The following COLEC10 variants were observed in gnomAD, a reference collection of about 807,000 sequenced individuals.
COLEC10 encodes collectin subfamily member 10.
Under a neutral mutation model 28.4 loss-of-function variants are expected in COLEC10, and 22 were observed. The ratio of observed to expected loss-of-function variants is 0.78; its 90% CI spans 0.55 to 1.11. COLEC10 has a LOEUF of 1.11. Ranked by LOEUF, COLEC10 falls within the 50% of genes least tolerant of loss-of-function variation. The pLI is 0.00. For synonymous variants in COLEC10, 125 were observed against 116.1 expected (o/e 1.08, Z -0.49); for missense variants, 361 against 344.1 (o/e 1.05, Z -0.39).
chr8:118,988,544 G>A, the COLEC10 span, among the ~76,000 whole-genome samples: 1 of 152,156 alleles, frequency 6.6e-6, no homozygotes, highest in African/African-American at 2.4e-5. Flanking sequence ...AGGAGTAGGA[G>A]ACGAGAGAAA....
upstream of COLEC10, among the ~76,000 whole-genome samples, chr8:119,065,676 G>T (rs1010796905): frequency 6.6e-6 from 1 of 151,868 alleles, no homozygotes; most frequent in Non-Finnish European, 1.5e-5. Flanking sequence ...GGCCAACCTG[G>T]TGAAACCCCA....
At chr8:119,098,732 C>G (rs913354730) in intron 3 of COLEC10, among the ~76,000 whole-genome samples, 2 of 152,080 alleles carry the variant, frequency 1.3e-5, no homozygotes, top group Non-Finnish European at 2.9e-5. Flanking sequence ...ATAAGTACCA[C>G]TTTTCCTTAA....
chr8:118,994,322 A>G (rs1813556185), upstream of COLEC10, among the ~76,000 whole-genome samples: 1 of 152,192 alleles, frequency 6.6e-6, no homozygotes, highest in Non-Finnish European at 1.5e-5. Context: ...TTAAGTGGCA[A>G]AACAAATGAG....
intron 2 of COLEC10, among the ~76,000 whole-genome samples, chr8:119,024,494 C>T (rs1260986597): frequency 6.6e-6 from 1 of 151,806 alleles, no homozygotes; most frequent in Non-Finnish European, 1.5e-5. Flanking sequence ...ATTTTCAAGA[C>T]CCAGTCCTCA....
the COLEC10 span, among the ~76,000 whole-genome samples, chr8:118,971,128 G>A: frequency 6.6e-6 from 1 of 151,914 alleles, no homozygotes; most frequent in African/African-American, 2.4e-5. Context: ...TCCTCATTAT[G>A]TAGGAGTGGG....
In COLEC10 at chr8:119,107,748, G is replaced by A. The variant is rs949325952; in HGVS notation, c.*1557G>A. ...GCTTGCCCTTCCAAAGGAGCCAGCT[G>A]CTCCTCAGTGGCTGCTGCTGGTGCT... On this transcript the variant is annotated 3_prime_UTR_variant, in exon 6 of 6. Coordinates refer to ENST00000332843, the MANE Select transcript of COLEC10 (RefSeq NM_006438.5). Among the ~76,000 whole-genome samples the A allele has an allele frequency of 2.0e-5, 3 of 152,184 alleles. No individual in the cohort carries two copies. The highest frequency in any genetic ancestry group is 7.2e-5 in the African/African-American group (3 of 41,448).
chr8:118,998,683 C>CA (rs71569784), intron 1 of COLEC10, among the ~76,000 whole-genome samples: 71,207 of 139,308 alleles, frequency 0.51, 18,533 homozygotes, highest in African/African-American at 0.66. Context: ...CTGAAAAATA[C>CA]AAAAAAAAAA....
chr8:119,077,810 A>C (rs1473459092), intron 1 of COLEC10, among the ~76,000 whole-genome samples: 1 of 152,198 alleles, frequency 6.6e-6, no homozygotes, highest in Non-Finnish European at 1.5e-5. Flanking sequence ...ATAATAACTT[A>C]TTATACTTGT....
chr8:118,973,188 C>T, the COLEC10 span, among the ~76,000 whole-genome samples: 7 of 152,002 alleles, frequency 4.6e-5, no homozygotes, highest in Non-Finnish European at 8.8e-5. Flanking sequence ...ACTGTTCTCT[C>T]AGCTTCTGCC....
chr8:119,079,635 T>C (rs1269421260), intron 1 of COLEC10, among the ~76,000 whole-genome samples: 1 of 107,906 alleles, frequency 9.3e-6, no homozygotes, highest in Non-Finnish European at 1.7e-5. Flanking sequence ...TACTCAGACA[T>C]GCAATGACTG....
At chr8:119,102,315 T>C (rs368862918) in intron 3 of COLEC10, 33 bp from the exon 4 acceptor site, 1 of 1,438,082 alleles carries the variant, frequency 7.0e-7, no homozygotes, top group East Asian at 2.3e-5. Context: ...ATTTTAATTT[T>C]ATTTTATTTT....
intron 2 of COLEC10, among the ~76,000 whole-genome samples, chr8:119,044,635 G>C (rs10112061): frequency 2.0e-5 from 3 of 151,920 alleles, no homozygotes; most frequent in Non-Finnish European, 4.4e-5. Flanking sequence ...GGCATGGATC[G>C]TTTCAGGCCA....
upstream of COLEC10, among the ~76,000 whole-genome samples, chr8:119,065,689 C>T (rs753935788): frequency 9.9e-5 from 15 of 151,440 alleles, no homozygotes; most frequent in Non-Finnish European, 2.1e-4. Context: ...AAACCCCAAC[C>T]ATACTAAAAA....
At chr8:118,969,937 A>G in the COLEC10 span, among the ~76,000 whole-genome samples, 1 of 151,898 alleles carries the variant, frequency 6.6e-6, no homozygotes, top group Non-Finnish European at 1.5e-5. Context: ...TGTCATCCCC[A>G]ACAAACCAAG....
the COLEC10 span, among the ~76,000 whole-genome samples, chr8:118,967,553 A>G: frequency 6.6e-6 from 1 of 152,160 alleles, no homozygotes; most frequent in African/African-American, 2.4e-5. Context: ...GAATTAAGTT[A>G]TATATTATGT....
the COLEC10 span, among the ~76,000 whole-genome samples, chr8:118,965,385 T>G: frequency 6.6e-6 from 1 of 152,168 alleles, no homozygotes; most frequent in Admixed American, 6.5e-5. Context: ...ATAGTACTTT[T>G]TACACTTTAT....
chr8:119,089,638 T>G (rs370234691), intron 1 of COLEC10, 42 bp from the exon 2 acceptor site: 73 of 1,479,876 alleles, frequency 4.9e-5, no homozygotes, highest in Non-Finnish European at 6.4e-5. Flanking sequence ...CTCATGTTAC[T>G]GTTTGAGATG....
chr8:119,020,917 T>C (rs1814078634), intron 2 of COLEC10, among the ~76,000 whole-genome samples: 1 of 152,194 alleles, frequency 6.6e-6, no homozygotes, highest in Admixed American at 6.6e-5. Flanking sequence ...ATGAATTTCA[T>C]GCTGTACAAT....
At chr8:119,032,772 G>A (rs1427139734) in intron 2 of COLEC10, among the ~76,000 whole-genome samples, 2 of 152,166 alleles carry the variant, frequency 1.3e-5, no homozygotes, top group African/African-American at 4.8e-5. Context: ...CGTGCTGGCG[G>A]GCGCCTGTAG....
Sources: gnomAD v4.1 joint callset for allele counts (sites outside exome capture counted in the v4.1 genomes callset) on GRCh38, gnomAD v4.1.1 for gene constraint, MANE v1.5 for transcripts, NCBI Gene and HGNC (gene_info 2026-07-23, HGNC 2026-07-21) for gene names.